ASAH2: variants seen among roughly 807,000 people sequenced by gnomAD.
ASAH2 encodes the protein neutral ceramidase.
ASAH2 carries 58 observed loss-of-function variants against 82.9 expected under a neutral mutation model. The ratio of observed to expected loss-of-function variants is 0.70; its 90% confidence interval spans 0.57 to 0.87. The LOEUF (loss-of-function observed/expected upper bound fraction) is 0.87, where lower values mean the gene tolerates loss of function less well. Ranked by LOEUF, ASAH2 falls within the 40% of genes least tolerant of loss-of-function variation. ASAH2 has a pLI of 0.00. For synonymous variants in ASAH2, 276 were observed against 289.7 expected, an observed-to-expected ratio of 0.95 and a Z score of 0.48; for missense variants, 779 against 834.0, an observed-to-expected ratio of 0.93 and a Z score of 0.81.
intron 7 of ASAH2, among the ~76,000 whole-genome samples, chr10:50,227,143 GAAATAAC>G (rs1845906960): frequency 6.6e-6 from 1 of 152,000 alleles, no homozygotes; most frequent in South Asian, 2.1e-4. Flanking sequence ...GAGTACAAAA[GAAATAAC>G]TAAAGCTATA....
intron 7 of ASAH2, among the ~76,000 whole-genome samples, chr10:50,228,633 T>G (rs1297841625): frequency 1.3e-5 from 2 of 152,116 alleles, no homozygotes; most frequent in South Asian, 4.2e-4. Context: ...TCAAATAGCT[T>G]ACACAAATCA....
intron 7 of ASAH2, among the ~76,000 whole-genome samples, chr10:50,231,516 T>C (rs1016171548): frequency 6.6e-5 from 10 of 152,140 alleles, no homozygotes; most frequent in African/African-American, 1.9e-4. Flanking sequence ...TACTTGTCTA[T>C]ATATTTGTCT....
rs1030859588 is a variant in ASAH2, at chr10:50,237,196, G to T, written c.511-1132C>A. ...TCTAGTACCTCATTTCCCAAATGAA[G>T]AATTCAGTGTGCCTTGAAACGAACT... On this transcript the variant is annotated intron_variant, in intron 4 of 20. Coordinates refer to ENST00000682911, the MANE Select transcript of ASAH2 (RefSeq NM_019893.4). Among the ~76,000 whole-genome samples the T allele has an allele frequency of 6.7e-4, 102 of 152,264 alleles. 1 individual carries two copies. Among genetic ancestry groups the T allele is most frequent in the African/African-American group, 2.3e-3 (96 of 41,556 alleles).
chr10:50,210,671 G>A (rs1845427933), intron 12 of ASAH2, 152 bp downstream of exon 12: 3 of 751,122 alleles, frequency 4.0e-6, no homozygotes, highest in African/African-American at 1.7e-5. Flanking sequence ...GGGGCAGCGG[G>A]TGCGGTACAT....
At chr10:50,247,367 G>A (rs7086752) in intron 2 of ASAH2, among the ~76,000 whole-genome samples, 24,485 of 151,120 alleles carry the variant, frequency 0.16, 2,904 homozygotes, top group East Asian at 0.34. Flanking sequence ...GTTTTGCCAC[G>A]TTGGCCAGGC....
chr10:50,233,285 C>T (rs1288780239), intron 6 of ASAH2, 24 bp from the exon 7 acceptor site: 4 of 1,531,660 alleles, frequency 2.6e-6, no homozygotes, highest in Non-Finnish European at 3.6e-6. Context: ...CAGAAAAGCA[C>T]AGTCAGTTCT....
At chr10:50,210,802 T>C (rs1396521220) in intron 12 of ASAH2, 21 bp downstream of exon 12, 2 of 1,577,756 alleles carry the variant, frequency 1.3e-6, no homozygotes, top group Non-Finnish European at 8.7e-7. Context: ...AAACCATAGA[T>C]TTTACTGGAC....
intron 16 of ASAH2, among the ~76,000 whole-genome samples, 186 bp from the exon 17 acceptor site, chr10:50,199,332 A>G (rs1330826831): frequency 6.6e-6 from 1 of 151,956 alleles, no homozygotes; most frequent in Non-Finnish European, 1.5e-5. Flanking sequence ...AGTGACTCCT[A>G]TGGACTACCT....
chr10:50,224,459 C>T (rs1364562605), intron 7 of ASAH2, among the ~76,000 whole-genome samples: 1 of 152,076 alleles, frequency 6.6e-6, no homozygotes, highest in Non-Finnish European at 1.5e-5. Flanking sequence ...ACATTCGCAA[C>T]ACATGTATAT....
At chr10:50,197,473 T>C (rs1845016648) in intron 17 of ASAH2, among the ~76,000 whole-genome samples, 1 of 151,870 alleles carries the variant, frequency 6.6e-6, no homozygotes, top group Non-Finnish European at 1.5e-5. Context: ...GTCATAAAAA[T>C]ACAAATCTCA....
At chr10:50,228,721 C>T (rs1845952318) in intron 7 of ASAH2, among the ~76,000 whole-genome samples, 1 of 150,700 alleles carries the variant, frequency 6.6e-6, no homozygotes, top group African/African-American at 2.4e-5. Context: ...AAAGGGTTTG[C>T]AATACATAAA....
At chr10:50,241,504 A>G (rs1715059522) in intron 4 of ASAH2, among the ~76,000 whole-genome samples, 2 of 152,198 alleles carry the variant, frequency 1.3e-5, no homozygotes, top group Admixed American at 1.3e-4. Context: ...CCTTACAAAA[A>G]GCAAGTGGTC....
intron 5 of ASAH2, among the ~76,000 whole-genome samples, 195 bp downstream of exon 5, chr10:50,235,693 A>G (rs1433306250): frequency 3.9e-5 from 6 of 152,104 alleles, no homozygotes; most frequent in Non-Finnish European, 8.8e-5. Context: ...TTTTCCAATC[A>G]TCCATGCCTC....
At chr10:50,219,165 G>T (rs1397716415) in intron 7 of ASAH2, among the ~76,000 whole-genome samples, 1 of 152,170 alleles carries the variant, frequency 6.6e-6, no homozygotes, top group Non-Finnish European at 1.5e-5. Context: ...AATTCTTGTG[G>T]GCATTACAGG....
chr10:50,219,445 T>C (rs1845688621), intron 7 of ASAH2, among the ~76,000 whole-genome samples: 1 of 152,130 alleles, frequency 6.6e-6, no homozygotes, highest in Non-Finnish European at 1.5e-5. Context: ...TGACACCGTG[T>C]CCAGTGGCCT....
intron 10 of ASAH2, among the ~76,000 whole-genome samples, chr10:50,211,697 A>G (rs1845458395): frequency 1.3e-5 from 2 of 152,280 alleles, no homozygotes; most frequent in Admixed American, 1.3e-4. Flanking sequence ...ATGAGTGAAA[A>G]CAAGTTTAAA....
At chr10:50,223,234 C>T (rs1010551269) in intron 7 of ASAH2, among the ~76,000 whole-genome samples, 85 of 152,098 alleles carry the variant, frequency 5.6e-4, no homozygotes, top group Admixed American at 1.0e-3. Flanking sequence ...GTAAAGGAGG[C>T]ATTTGGAGAA....
intron 8 of ASAH2, among the ~76,000 whole-genome samples, chr10:50,216,296 A>G (rs1334391936): frequency 3.0e-5 from 3 of 101,668 alleles, no homozygotes; most frequent in Non-Finnish European, 7.0e-5. Flanking sequence ...CCAAAAACTT[A>G]AAGTATAATA....
At chr10:50,209,959 A>G (rs1157197033) in intron 12 of ASAH2, among the ~76,000 whole-genome samples, 5 of 152,212 alleles carry the variant, frequency 3.3e-5, no homozygotes, top group South Asian at 2.1e-4. Flanking sequence ...TGGTGCAGCC[A>G]TTTCAGAAAT....
Sources: allele counts gnomAD v4.1 joint callset (sites outside exome capture counted in the v4.1 genomes callset), GRCh38; gene constraint gnomAD v4.1.1; transcripts MANE v1.5; gene names NCBI Gene and HGNC (gene_info 2026-07-23, HGNC 2026-07-21).